STPG2: variants seen among roughly 807,000 people sequenced by gnomAD.
STPG2 encodes sperm tail PG-rich repeat containing 2.
Under a neutral mutation model 54.2 loss-of-function variants are expected in STPG2, and 56 were observed. The observed-to-expected ratio is 1.03, with a 90% confidence interval of 0.83 to 1.29. STPG2 has a LOEUF of 1.29. Ranked by LOEUF, STPG2 falls within the 50% of genes most tolerant of loss-of-function variation. The pLI is 0.00. For synonymous variants in STPG2, 200 were observed against 181.8 expected (o/e 1.10, Z -0.81); for missense variants, 596 against 544.9 (o/e 1.09, Z -0.93).
At chr4:97,899,362 A>G (rs1731086887) in intron 8 of STPG2, among the ~76,000 whole-genome samples, 1 of 152,156 alleles carries the variant, frequency 6.6e-6, no homozygotes, top group Admixed American at 6.6e-5. Context: ...GCTCATGGAT[A>G]GGAAGAATCA....
chr4:97,488,969 T>C (rs1730438735), intron 4 of STPG2, among the ~76,000 whole-genome samples: 1 of 151,758 alleles, frequency 6.6e-6, no homozygotes, highest in Non-Finnish European at 1.5e-5. Context: ...AATCTCATCT[T>C]GAATTGTAAC....
intron 9 of STPG2, among the ~76,000 whole-genome samples, chr4:97,806,899 C>T (rs1448172225): frequency 1.3e-5 from 2 of 152,110 alleles, no homozygotes; most frequent in Admixed American, 6.6e-5. Flanking sequence ...TGAACCAAGA[C>T]AACTTCTGAG....
At chr4:97,522,464 G>T (rs990163814) in intron 4 of STPG2, among the ~76,000 whole-genome samples, 91 of 151,870 alleles carry the variant, frequency 6.0e-4, no homozygotes, top group Non-Finnish European at 1.3e-3. Context: ...ATGGAATATG[G>T]TCGAAATGAA....
intron 4 of STPG2, among the ~76,000 whole-genome samples, chr4:97,466,428 T>C (rs1729790595): frequency 6.6e-6 from 1 of 152,068 alleles, no homozygotes; most frequent in African/African-American, 2.4e-5. Context: ...TGCCTCTTAA[T>C]AGTTTTGTGA....
At chr4:98,049,722 T>G (rs1212847694) in intron 5 of STPG2, among the ~76,000 whole-genome samples, 1 of 151,020 alleles carries the variant, frequency 6.6e-6, no homozygotes. Context: ...CTAAAATTTA[T>G]AGGCTATGGC....
intron 9 of STPG2, among the ~76,000 whole-genome samples, chr4:97,825,914 A>G (rs1728245217): frequency 6.6e-6 from 1 of 152,220 alleles, no homozygotes; most frequent in Non-Finnish European, 1.5e-5. Context: ...TTTGGTCTAA[A>G]TTAGGCAGGT....
At chr4:97,676,542 A>AAAGGAAGGAAGGAAGGAAGGAAGG (rs70953080) in intron 10 of STPG2, among the ~76,000 whole-genome samples, 1 of 131,202 alleles carries the variant, frequency 7.6e-6, no homozygotes, top group African/African-American at 2.9e-5. Context: ...GAGTTGGAAG[A>AAAGGAAGGAAGGAAGGAAGGAAGG]AAGGAAGGAA....
At chr4:97,481,226 A>G (rs1216184155) in intron 4 of STPG2, among the ~76,000 whole-genome samples, 2 of 151,562 alleles carry the variant, frequency 1.3e-5, no homozygotes, top group African/African-American at 4.8e-5. Context: ...CAATTTTTGA[A>G]CCCTGAATTC....
chr4:97,955,927 A>G (rs963254331), intron 7 of STPG2, among the ~76,000 whole-genome samples: 4 of 152,192 alleles, frequency 2.6e-5, no homozygotes, highest in Non-Finnish European at 4.4e-5. Context: ...CAGACAAACA[A>G]AAACTGTAAT....
chr4:97,774,821 C>T (rs1386572956), intron 9 of STPG2, among the ~76,000 whole-genome samples: 1 of 152,160 alleles, frequency 6.6e-6, no homozygotes, highest in Non-Finnish European at 1.5e-5. Context: ...TATCTTCTAA[C>T]CTCAAAACCA....
At chr4:97,847,793 T>G (rs1049593301) in intron 8 of STPG2, among the ~76,000 whole-genome samples, 4 of 151,418 alleles carry the variant, frequency 2.6e-5, no homozygotes, top group Admixed American at 2.0e-4. Context: ...AATTCTTTAT[T>G]TAGCCAAGCC....
intron 8 of STPG2, among the ~76,000 whole-genome samples, chr4:97,892,445 C>T (rs1730805195): frequency 6.6e-6 from 1 of 152,066 alleles, no homozygotes; most frequent in African/African-American, 2.4e-5. Flanking sequence ...CCCTATATGG[C>T]CCAGGAAAGA....
chr4:97,812,003 A>T (rs1442995002), intron 9 of STPG2, among the ~76,000 whole-genome samples: 1 of 152,168 alleles, frequency 6.6e-6, no homozygotes, highest in Non-Finnish European at 1.5e-5. Context: ...TTAGAAAAAA[A>T]GTACAGGCCT....
At chr4:98,106,850 G>A (rs1739202101) in intron 4 of STPG2, among the ~76,000 whole-genome samples, 1 of 151,982 alleles carries the variant, frequency 6.6e-6, no homozygotes, top group Non-Finnish European at 1.5e-5. Flanking sequence ...ATTTAAACAG[G>A]CTATACAGAC....
At chr4:98,004,254 G>A (rs978955165) in intron 5 of STPG2, among the ~76,000 whole-genome samples, 1 of 151,992 alleles carries the variant, frequency 6.6e-6, no homozygotes, top group African/African-American at 2.4e-5. Flanking sequence ...TTCTGTGTCT[G>A]TCTTATTTCA....
intron 9 of STPG2, among the ~76,000 whole-genome samples, chr4:97,807,997 T>C (rs1229760283): frequency 6.8e-6 from 1 of 146,386 alleles, no homozygotes; most frequent in African/African-American, 2.4e-5. Context: ...CCAAATATAA[T>C]TGAATATTTT....
intron 9 of STPG2, among the ~76,000 whole-genome samples, chr4:97,735,694 A>G (rs1318678424): frequency 6.6e-6 from 1 of 150,770 alleles, no homozygotes; most frequent in African/African-American, 2.4e-5. Context: ...ATATCCTTAC[A>G]ATATATAAGG....
rs191661421 is a variant in STPG2 at position 97,898,728 on chromosome 4, G to A, written c.1044+45169C>T. 3.3e-5 allele frequency among the ~76,000 whole-genome samples: 5 copies of A among 151,504 alleles called. No homozygotes were observed. In the East Asian group the frequency reaches 7.8e-4, roughly 23 times the overall value. On this transcript the variant is annotated intron_variant, in intron 8 of 10. Transcript: ENST00000295268. ...TACAAACAACTTAAGTGCAATGAAA[G>A]AATCATATATTTAGAATCAAAATGC... is the stretch of plus-strand genomic sequence containing the variant.
intron 10 of STPG2, among the ~76,000 whole-genome samples, chr4:97,600,558 T>C (rs776722047): frequency 6.6e-6 from 1 of 152,142 alleles, no homozygotes; most frequent in Non-Finnish European, 1.5e-5. Flanking sequence ...AGCATTTAAA[T>C]TGGGCTTTGA....
Sources: allele counts gnomAD v4.1 joint callset (sites outside exome capture counted in the v4.1 genomes callset), GRCh38; gene constraint gnomAD v4.1.1; transcripts MANE v1.5; gene names NCBI Gene and HGNC (gene_info 2026-07-23, HGNC 2026-07-21).